Variants in UBE2H observed in about 807,000 individuals in gnomAD.
The protein encoded by UBE2H is ubiquitin conjugating enzyme E2 H.
Under a neutral mutation model 29.0 loss-of-function variants are expected in UBE2H, and 3 were observed. That is an observed-to-expected ratio of 0.10 (90% CI 0.05 to 0.27). The LOEUF (loss-of-function observed/expected upper bound fraction) is 0.27, where lower values mean the gene tolerates loss of function less well. UBE2H is among the 10% of genes least tolerant of loss of function. UBE2H has a pLI of 1.00. For synonymous variants in UBE2H, 69 were observed against 82.9 expected, an observed-to-expected ratio of 0.83 and a Z score of 0.91; for missense variants, 68 against 228.2, an observed-to-expected ratio of 0.30 and a Z score of 4.52.
chr7:129,852,234 T>G (rs925829277), intron 5 of UBE2H, among the ~76,000 whole-genome samples: 1 of 152,256 alleles, frequency 6.6e-6, no homozygotes, highest in African/African-American at 2.4e-5. Context: ...TGCCAAAATC[T>G]GAATTATTTG....
chr7:129,897,294 T>C (rs1806618362), intron 1 of UBE2H, among the ~76,000 whole-genome samples: 2 of 152,194 alleles, frequency 1.3e-5, no homozygotes, highest in Non-Finnish European at 2.9e-5. Flanking sequence ...CATATGCACA[T>C]ATAAATAATG....
At chr7:129,894,007 G>C (rs56321762) in intron 1 of UBE2H, among the ~76,000 whole-genome samples, 1 of 152,038 alleles carries the variant, frequency 6.6e-6, no homozygotes, top group Non-Finnish European at 1.5e-5. Context: ...ATACAAAAAT[G>C]AGCAGGGCAT....
chr7:129,937,280 G>A (rs1196310737), intron 1 of UBE2H, among the ~76,000 whole-genome samples: 1 of 151,644 alleles, frequency 6.6e-6, no homozygotes, highest in Non-Finnish European at 1.5e-5. Flanking sequence ...AGTGAGCCGA[G>A]ATCACACAAC....
intron 1 of UBE2H, among the ~76,000 whole-genome samples, chr7:129,936,686 G>A (rs569674963): frequency 6.6e-6 from 1 of 151,808 alleles, no homozygotes; most frequent in East Asian, 1.9e-4. Context: ...GCCACGTGCA[G>A]TGGCTTGTGC....
Position 129,949,637 on chromosome 7 carries a change from G to A in UBE2H, c.53+2866C>T, listed in dbSNP as rs903207578. Among the ~76,000 whole-genome samples the A allele has an allele frequency of 8.5e-5, 13 of 152,222 alleles. No homozygotes were observed. In the South Asian group the frequency reaches 1.2e-3, roughly 15 times the overall value. On this transcript the variant is annotated intron_variant, in intron 1 of 6. Transcript: ENST00000355621. Reference sequence around the variant, plus strand: ...TGGGAGTCAGCTCTCCTACCAACCCGTCACAAAAGAAATATCACTGACTCC... The same window carrying A: ...TGGGAGTCAGCTCTCCTACCAACCCATCACAAAAGAAATATCACTGACTCC...
chr7:129,835,729 GAATA>G (rs139723464), intron 6 of UBE2H, among the ~76,000 whole-genome samples: 167 of 152,286 alleles, frequency 1.1e-3, no homozygotes, highest in African/African-American at 3.6e-3. Flanking sequence ...AAGAACTGCT[GAATA>G]AACAAACTTG....
chr7:129,938,070 G>A (rs761141973), intron 1 of UBE2H, among the ~76,000 whole-genome samples: 18 of 151,860 alleles, frequency 1.2e-4, no homozygotes, highest in Non-Finnish European at 1.9e-4. Context: ...TACACATACT[G>A]AAAATTCTTT....
chr7:129,834,849 A>C lies in UBE2H; in HGVS notation c.*88T>G. On this transcript the variant is annotated 3_prime_UTR_variant, in exon 7 of 7. Coordinates refer to ENST00000355621, the MANE Select transcript of UBE2H (RefSeq NM_003344.4). ...ATAAAAACCTTGTTTAGTAATAAAA[A>C]AAATTGCTTTGTTTAAATATGAATA... 3 of 1,520,368 alleles carry C rather than the reference A, an allele frequency of 2.0e-6. No homozygotes were observed. The highest frequency in any genetic ancestry group is 2.6e-6 in the Non-Finnish European group (3 of 1,133,170). 94.2% of individuals were successfully genotyped at this position (1,520,368 alleles called of 1,614,324 possible). A position where few individuals can be genotyped will look rare whatever the true frequency, so the allele number is the denominator to read the frequency against.
At chr7:129,869,101 T>A (rs551599207) in intron 3 of UBE2H, among the ~76,000 whole-genome samples, 2 of 152,180 alleles carry the variant, frequency 1.3e-5, no homozygotes, top group South Asian at 4.1e-4. Context: ...CATGCCCAGC[T>A]AATTTTGTAT....
chr7:129,915,684 G>A (rs1403982846), intron 1 of UBE2H, among the ~76,000 whole-genome samples: 1 of 152,200 alleles, frequency 6.6e-6, no homozygotes, highest in African/African-American at 2.4e-5. Context: ...TTTAGAAGCA[G>A]AACTTTAACT....
intron 3 of UBE2H, among the ~76,000 whole-genome samples, chr7:129,874,221 G>A (rs982149501): frequency 6.6e-6 from 1 of 151,770 alleles, no homozygotes; most frequent in Non-Finnish European, 1.5e-5. Context: ...TGATATGAAG[G>A]AGAATATAAT....
chr7:129,839,365 G>C, intron 5 of UBE2H, 30 bp from the exon 6 acceptor site: 1 of 1,609,696 alleles, frequency 6.2e-7, no homozygotes, highest in Non-Finnish European at 8.5e-7. Context: ...TGTCACACAT[G>C]GGAAATGCAA....
intron 2 of UBE2H, among the ~76,000 whole-genome samples, chr7:129,880,258 G>A (rs1806227126): frequency 6.6e-6 from 1 of 152,200 alleles, no homozygotes; most frequent in Non-Finnish European, 1.5e-5. Flanking sequence ...TGTAATCCCA[G>A]CACTTTGGGA....
intron 5 of UBE2H, among the ~76,000 whole-genome samples, chr7:129,856,528 G>T (rs1462183470): frequency 1.3e-5 from 2 of 151,166 alleles, no homozygotes; most frequent in Non-Finnish European, 3.0e-5. Context: ...TAAAAAAGGA[G>T]CTATAAAATG....
At chr7:129,925,349 A>G (rs186169122) in intron 1 of UBE2H, among the ~76,000 whole-genome samples, 1 of 149,330 alleles carries the variant, frequency 6.7e-6, no homozygotes, top group Non-Finnish European at 1.5e-5. Flanking sequence ...TCAGTCTCGA[A>G]AAAAAAAAGA....
intron 1 of UBE2H, among the ~76,000 whole-genome samples, chr7:129,891,826 A>AC (rs1408338194): frequency 2.6e-4 from 39 of 149,244 alleles, no homozygotes; most frequent in Middle Eastern, 3.5e-3. Flanking sequence ...AAAAAAAAAA[A>AC]ACACACACAC....
chr7:129,908,779 T>TC (rs532248114), intron 1 of UBE2H, among the ~76,000 whole-genome samples: 140 of 152,252 alleles, frequency 9.2e-4, no homozygotes, highest in African/African-American at 3.3e-3. Flanking sequence ...TCTATGATTA[T>TC]CCCCAACAAA....
chr7:129,950,139 C>A (rs1012666400), intron 1 of UBE2H, among the ~76,000 whole-genome samples: 29 of 152,312 alleles, frequency 1.9e-4, no homozygotes, highest in African/African-American at 6.0e-4. Context: ...CTCACCTACA[C>A]AACACACACA....
intron 1 of UBE2H, among the ~76,000 whole-genome samples, chr7:129,907,983 T>C (rs944999145): frequency 6.6e-6 from 1 of 152,208 alleles, no homozygotes; most frequent in African/African-American, 2.4e-5. Context: ...CCAGCCATGA[T>C]AGAGTATTTA....
Sources: allele counts gnomAD v4.1 joint callset (sites outside exome capture counted in the v4.1 genomes callset), GRCh38; gene constraint gnomAD v4.1.1; transcripts MANE v1.5; gene names NCBI Gene and HGNC (gene_info 2026-07-23, HGNC 2026-07-21).